Variants in KCNIP4 observed in about 807,000 individuals in gnomAD.
KCNIP4 encodes Kv channel-interacting protein 4.
Under a neutral mutation model 34.0 loss-of-function variants are expected in KCNIP4, and 12 were observed. That is an observed-to-expected ratio of 0.35 (90% CI 0.23 to 0.57). KCNIP4 has a LOEUF of 0.57. Ranked by LOEUF, KCNIP4 falls within the 20% of genes least tolerant of loss-of-function variation. The pLI, the probability that KCNIP4 is intolerant of heterozygous loss-of-function variation, is 0.83. For synonymous variants in KCNIP4, 124 were observed against 102.2 expected, an observed-to-expected ratio of 1.21 and a Z score of -1.29; for missense variants, 238 against 311.7, an observed-to-expected ratio of 0.76 and a Z score of 1.78.
intron 1 of KCNIP4, among the ~76,000 whole-genome samples, chr4:21,773,094 T>C (rs1303089473): frequency 6.6e-6 from 1 of 152,166 alleles, no homozygotes; most frequent in East Asian, 1.9e-4. Context: ...TTTAGCTGTG[T>C]CCCAGAGATT....
intron 1 of KCNIP4, among the ~76,000 whole-genome samples, chr4:21,855,152 C>T (rs947657936): frequency 2.6e-4 from 40 of 152,218 alleles, no homozygotes; most frequent in African/African-American, 9.2e-4. Context: ...GGAGAGCCGT[C>T]TATTGTTCAA....
chr4:21,777,233 C>G lies in KCNIP4; in HGVS notation c.61+171338G>C, dbSNP rs150066542. Among the ~76,000 whole-genome samples the G allele has an allele frequency of 1.2e-4, 18 of 152,304 alleles. No individual in the cohort carries two copies. The East Asian group carries it at 3.1e-3, about 26-fold the overall frequency. ...GCAGAATTGTGAGTCAATTAAACCTCTCTCCTTTATAAATTACCCAGTCTC... is the reference window on the plus strand; with the variant it reads ...GCAGAATTGTGAGTCAATTAAACCTGTCTCCTTTATAAATTACCCAGTCTC... On this transcript the variant is annotated intron_variant, in intron 1 of 8. Coordinates refer to ENST00000382152, the MANE Select transcript of KCNIP4 (RefSeq NM_025221.6).
At chr4:21,699,635 C>T (rs1305413807) in intron 1 of KCNIP4, among the ~76,000 whole-genome samples, 8 of 152,174 alleles carry the variant, frequency 5.3e-5, no homozygotes, top group Middle Eastern at 3.4e-3. Flanking sequence ...CGCCAAGCTG[C>T]GAATGAGCTT....
intron 1 of KCNIP4, among the ~76,000 whole-genome samples, chr4:21,484,019 T>A (rs1198955221): frequency 6.6e-6 from 1 of 150,786 alleles, no homozygotes; most frequent in Non-Finnish European, 1.5e-5. Context: ...TTTTTTTTTA[T>A]AGATTACCCA....
chr4:21,333,943 A>T (rs1463358407), intron 1 of KCNIP4, among the ~76,000 whole-genome samples: 1 of 152,166 alleles, frequency 6.6e-6, no homozygotes, highest in South Asian at 2.1e-4. Context: ...GCACTTTAGT[A>T]ATAGATTACA....
At chr4:21,182,400 C>G (rs373981109) in intron 1 of KCNIP4, among the ~76,000 whole-genome samples, 1 of 148,050 alleles carries the variant, frequency 6.8e-6, no homozygotes, top group East Asian at 2.0e-4. Context: ...TTACTTTCAA[C>G]TTTTCCTCTT....
intron 1 of KCNIP4, among the ~76,000 whole-genome samples, chr4:21,002,095 G>A (rs1451485302): frequency 1.3e-5 from 2 of 152,214 alleles, no homozygotes; most frequent in East Asian, 3.9e-4. Flanking sequence ...TCTTAGAGGA[G>A]ATAAATAGGC....
At chr4:21,190,135 T>C (rs946546033) in intron 1 of KCNIP4, among the ~76,000 whole-genome samples, 2 of 152,214 alleles carry the variant, frequency 1.3e-5, no homozygotes, top group African/African-American at 4.8e-5. Flanking sequence ...GTTCCCAAAC[T>C]GCAATTCTTT....
At chr4:21,184,048 G>A (rs2109330614) in intron 1 of KCNIP4, among the ~76,000 whole-genome samples, 1 of 152,168 alleles carries the variant, frequency 6.6e-6, no homozygotes, top group Admixed American at 6.5e-5. Context: ...TTTATTGACA[G>A]GCAGTACAAA....
chr4:21,497,171 A>T (rs1054503420), intron 1 of KCNIP4, among the ~76,000 whole-genome samples: 4 of 152,214 alleles, frequency 2.6e-5, no homozygotes, highest in Non-Finnish European at 5.9e-5. Flanking sequence ...CACATGAACT[A>T]TGATGTAAAG....
At chr4:21,904,073 T>C (rs1275419570) in intron 1 of KCNIP4, among the ~76,000 whole-genome samples, 1 of 152,154 alleles carries the variant, frequency 6.6e-6, no homozygotes, top group Non-Finnish European at 1.5e-5. Flanking sequence ...TTTTTAAGAC[T>C]GGAAACAGAA....
At chr4:21,313,282 C>A (rs903015430) in intron 1 of KCNIP4, among the ~76,000 whole-genome samples, 1 of 152,158 alleles carries the variant, frequency 6.6e-6, no homozygotes, top group Non-Finnish European at 1.5e-5. Flanking sequence ...TTCCAAATAT[C>A]GTCTCCTCCA....
chr4:21,861,579 C>G (rs964216132), intron 1 of KCNIP4, among the ~76,000 whole-genome samples: 1 of 145,168 alleles, frequency 6.9e-6, no homozygotes, highest in African/African-American at 2.6e-5. Flanking sequence ...TAAGCCGGGA[C>G]ACAGGAGGCG....
intron 1 of KCNIP4, among the ~76,000 whole-genome samples, chr4:21,201,036 T>C (rs1303991808): frequency 6.6e-6 from 1 of 152,186 alleles, no homozygotes; most frequent in Middle Eastern, 3.2e-3. Context: ...TGAGATTCAA[T>C]AGGCCAGACC....
Position 21,902,960 on chromosome 4 carries a change from A to G in KCNIP4, c.61+45611T>C, listed in dbSNP as rs184206971. On this transcript the variant is annotated intron_variant, in intron 1 of 8. Coordinates refer to ENST00000382152, the MANE Select transcript of KCNIP4 (RefSeq NM_025221.6). Reference sequence around the variant, plus strand: ...CTGGGCATCTTCATAAGTCCTAGGTAGCAGGAATTGGAGGGAGAGGGTATG... The same window carrying G: ...CTGGGCATCTTCATAAGTCCTAGGTGGCAGGAATTGGAGGGAGAGGGTATG... Among the ~76,000 whole-genome samples, 4 of 152,252 alleles carry G rather than the reference A, an allele frequency of 2.6e-5. No homozygotes were observed. In the East Asian group the frequency reaches 7.7e-4, roughly 29 times the overall value.
chr4:21,640,316 G>A (rs1203681040), intron 1 of KCNIP4, among the ~76,000 whole-genome samples: 1 of 152,146 alleles, frequency 6.6e-6, no homozygotes, highest in Non-Finnish European at 1.5e-5. Flanking sequence ...TTATTCAGTG[G>A]TAGCAGTTCC....
intron 2 of KCNIP4, among the ~76,000 whole-genome samples, chr4:20,854,226 T>C (rs1409695155): frequency 6.6e-6 from 1 of 152,160 alleles, no homozygotes; most frequent in Non-Finnish European, 1.5e-5. Context: ...AATTGCAAAA[T>C]CGTGGAACCA....
chr4:21,281,156 G>C (rs1423178629), intron 1 of KCNIP4, among the ~76,000 whole-genome samples: 1 of 143,404 alleles, frequency 7.0e-6, no homozygotes, highest in Non-Finnish European at 1.5e-5. Flanking sequence ...GCGCGATCTT[G>C]GCTCACCACA....
At chr4:21,349,000 T>C (rs999824449) in intron 1 of KCNIP4, among the ~76,000 whole-genome samples, 1 of 152,162 alleles carries the variant, frequency 6.6e-6, no homozygotes, top group Non-Finnish European at 1.5e-5. Flanking sequence ...AATTACTTTG[T>C]GGTGGGAATA....
Sources: gnomAD v4.1 joint callset for allele counts (sites outside exome capture counted in the v4.1 genomes callset) on GRCh38, gnomAD v4.1.1 for gene constraint, MANE v1.5 for transcripts, NCBI Gene and HGNC (gene_info 2026-07-23, HGNC 2026-07-21) for gene names.